The following ADH6 variants were observed in gnomAD, a reference collection of about 807,000 sequenced individuals.
ADH6 encodes the protein alcohol dehydrogenase 6.
ADH6 carries 34 observed loss-of-function variants against 36.5 expected under a neutral mutation model. The observed-to-expected ratio is 0.93, with a 90% CI of 0.71 to 1.24. The LOEUF (loss-of-function observed/expected upper bound fraction) is 1.24, where lower values mean the gene tolerates loss of function less well. Among genes scored for constraint, ADH6 ranks in the 50% most tolerant of loss-of-function variants. The pLI, the probability that ADH6 is intolerant of heterozygous loss-of-function variation, is 0.00. For synonymous variants in ADH6, 161 were observed against 155.5 expected, an observed-to-expected ratio of 1.04 and a Z score of -0.26; for missense variants, 440 against 447.0, an observed-to-expected ratio of 0.98 and a Z score of 0.14.
At chr4:99,213,194 C>T (rs1302559741) in intron 3 of ADH6, among the ~76,000 whole-genome samples, 1 of 152,118 alleles carries the variant, frequency 6.6e-6, no homozygotes, top group Non-Finnish European at 1.5e-5. Flanking sequence ...GAAAGACAAA[C>T]CTCATGCTGC....
Position 99,213,886 on chromosome 4 carries a change from G to T in ADH6, c.121-139C>A, listed in dbSNP as rs192122297. The T allele has an allele frequency of 1.2e-4, 80 of 683,440 alleles. No homozygotes were observed. In the East Asian group the frequency reaches 2.2e-3, roughly 19 times the overall value. 42.3% of individuals were successfully genotyped at this position (683,440 alleles called of 1,614,324 possible). On this transcript the variant is annotated intron_variant, in intron 2 of 8. Coordinates refer to ENST00000394899, the MANE Select transcript of ADH6 (RefSeq NM_001102470.2). ...TCATTTCTTATCAGTTTTAATTCTA[G>T]GGAAGGGTCAATAATAATTTGTTAA... is the stretch of plus-strand genomic sequence containing the variant.
In ADH6 at chr4:99,202,823, CAGAGT is replaced by C. The variant is rs1458799363; in HGVS notation, c.*1391_*1395del. ...GCTGTCAGGAAATAGAAGAGCAGAG[CAGAGT>C]TGGGCATGGAGGCTCCAGCTCAGAC... On this transcript the variant is annotated 3_prime_UTR_variant, in exon 9 of 9. Transcript: ENST00000394899. The C allele has an allele frequency of 1.0e-5, 4 of 397,850 alleles. No homozygotes were observed. Among genetic ancestry groups the C allele is most frequent in the Admixed American group, 4.4e-5 (1 of 22,678 alleles). The allele number at this position is 397,850 out of a possible 1,614,324, so 24.6% of individuals were successfully genotyped here. A position where few individuals can be genotyped will look rare whatever the true frequency, so the allele number is the denominator to read the frequency against.
Position 99,204,910 on chromosome 4 carries a change from A to G in ADH6, c.1103+15T>C, listed in dbSNP as rs751821267. On this transcript the variant is annotated intron_variant, in intron 8 of 8. Coordinates refer to ENST00000394899, the MANE Select transcript of ADH6 (RefSeq NM_001102470.2). ...TCTCAAACACACAGACATAAAATTTATGTGGGCAGTTTACCATTTTCCAGT... is the reference window on the plus strand; with the variant it reads ...TCTCAAACACACAGACATAAAATTTGTGTGGGCAGTTTACCATTTTCCAGT... 8 of 1,598,772 alleles carry G rather than the reference A, an allele frequency of 5.0e-6. No individual in the cohort carries two copies. Among genetic ancestry groups the G allele is most frequent in the East Asian group, 2.2e-5 (1 of 44,510 alleles).
At chr4:99,213,816 G>C in intron 2 of ADH6, 69 bp from the exon 3 acceptor site, 1 of 1,362,670 alleles carries the variant, frequency 7.3e-7, no homozygotes, top group Admixed American at 2.6e-5. Flanking sequence ...GTTGTTGACT[G>C]TAAGGCTTTT....
In ADH6 at chr4:99,207,596, T is replaced by A; in HGVS notation, c.829-15A>T. On this transcript the variant is annotated splice_polypyrimidine_tract_variant and intron_variant, in intron 6 of 8. Coordinates refer to ENST00000394899, the MANE Select transcript of ADH6 (RefSeq NM_001102470.2). ...AGGGCAGCTGCCTGTTAGAAAGTGA[T>A]GCAATACAGTATAGGGGTTAAAAGA... The A allele has an allele frequency of 6.2e-7, 1 of 1,611,492 alleles. No homozygotes were observed. The highest frequency in any genetic ancestry group is 8.5e-7 in the Non-Finnish European group (1 of 1,178,470).
chr4:99,219,093 G>T, intron 1 of ADH6, 42 bp downstream of exon 1: 3 of 1,595,864 alleles, frequency 1.9e-6, no homozygotes, highest in Non-Finnish European at 2.6e-6. Flanking sequence ...CACACAAACT[G>T]ACAAAGATAT....
chr4:99,213,173 T>C (rs972649459), intron 3 of ADH6, among the ~76,000 whole-genome samples: 3 of 152,230 alleles, frequency 2.0e-5, no homozygotes, highest in African/African-American at 7.2e-5. Flanking sequence ...TCTGTTTCTA[T>C]TCTTAAGTTT....
chr4:99,205,184 C>G, intron 7 of ADH6, 121 bp from the exon 8 acceptor site: 1 of 1,090,612 alleles, frequency 9.2e-7, no homozygotes, highest in Non-Finnish European at 1.3e-6. Flanking sequence ...GTCCCGTTTA[C>G]TTGCCTCAAT....
chr4:99,219,244 G>T lies in ADH6; in HGVS notation c.-92C>A. 8.3e-7 allele frequency: 1 copy of T among 1,198,914 alleles called. No homozygotes were observed. 74.3% of individuals were successfully genotyped at this position (1,198,914 alleles called of 1,614,324 possible). On this transcript the variant is annotated 5_prime_UTR_variant, in exon 1 of 9. Transcript: ENST00000394899. ...AAAGTACAAAGGTACACAGGCGACT[G>T]GTAGATCAGAAGGCTGGGTCCTGAG...
intron 7 of ADH6, 124 bp downstream of exon 7, chr4:99,207,322 G>GA (rs28720157): frequency 4.4e-3 from 5,362 of 1,225,932 alleles, no homozygotes; most frequent in Non-Finnish European, 4.8e-3. Flanking sequence ...TTCATATGTT[G>GA]AAAAAAAAAA....
chr4:99,212,999 C>T (rs1731278392), intron 3 of ADH6, among the ~76,000 whole-genome samples: 1 of 118,582 alleles, frequency 8.4e-6, no homozygotes, highest in Non-Finnish European at 1.7e-5. Flanking sequence ...CAAGATAATA[C>T]AGTGTTCTCC....
intron 1 of ADH6, among the ~76,000 whole-genome samples, chr4:99,217,104 C>T (rs1307729568): frequency 2.0e-5 from 3 of 152,212 alleles, no homozygotes; most frequent in South Asian, 2.1e-4. Context: ...AGCACGATCT[C>T]GGCTCACTGC....
intron 5 of ADH6, 52 bp from the exon 6 acceptor site, chr4:99,208,980 C>T: frequency 6.4e-7 from 1 of 1,552,898 alleles, no homozygotes; most frequent in Non-Finnish European, 8.7e-7. Context: ...AGAGAACATA[C>T]ACCTTTACTC....
In ADH6 at chr4:99,202,934, G is replaced by A; in HGVS notation, c.*1285C>T. 1 of 395,622 alleles carries A rather than the reference G, an allele frequency of 2.5e-6. No individual in the cohort carries two copies. The allele number at this position is 395,622 out of a possible 1,614,324, so 24.5% of individuals were successfully genotyped here. On this transcript the variant is annotated 3_prime_UTR_variant, in exon 9 of 9. Coordinates refer to ENST00000394899, the MANE Select transcript of ADH6 (RefSeq NM_001102470.2). The stretch of plus-strand genomic sequence containing the variant: ...CCATCTCCTCTATTTGAAGGAAGCA[G>A]GCCCCTAAAGGGAAACACAGGATGC...
In ADH6 at chr4:99,216,852, A is replaced by C. The variant is rs557156838; in HGVS notation, c.19-590T>G. ...GAGCGAGACTCCATCTCAAAAAAAAAAAATTGTGCCTATTTATGGGGTACA... is the reference window on the plus strand; with the variant it reads ...GAGCGAGACTCCATCTCAAAAAAAACAAATTGTGCCTATTTATGGGGTACA... On this transcript the variant is annotated intron_variant, in intron 1 of 8. Coordinates refer to ENST00000394899, the MANE Select transcript of ADH6 (RefSeq NM_001102470.2). Among the ~76,000 whole-genome samples the C allele has an allele frequency of 9.2e-5, 14 of 152,096 alleles. No individual in the cohort carries two copies. The East Asian group carries it at 2.7e-3, about 29-fold the overall frequency.
chr4:99,208,718 C>T lies in ADH6; in HGVS notation c.778G>A (p.Asp260Asn). Residue 260 changes from aspartate (D) to asparagine (N), a missense_variant, in exon 6 of 9, where the codon GAT becomes AAT. By Grantham distance (23) the Asp-to-Asn change is conservative. Transcript: ENST00000394899. Reference protein sequence around the residue: ...PIQEVLFDMTDAGIDFCFEAI... With the variant: ...PIQEVLFDMTNAGIDFCFEAI... ...TCAAAGCAGAAGTCTATACCAGCAT[C>T]TGTCATATCAAATAAAACTTCTTGA... 6.2e-7 allele frequency: 1 copy of T among 1,613,848 alleles called. No individual in the cohort carries two copies. The highest frequency in any genetic ancestry group is 8.5e-7 in the Non-Finnish European group (1 of 1,179,778).
chr4:99,213,871 TCAG>T (rs1389220871), intron 2 of ADH6, 124 bp from the exon 3 acceptor site: 1 of 809,992 alleles, frequency 1.2e-6, no homozygotes, highest in East Asian at 3.0e-5. Flanking sequence ...TCATTTCTTA[TCAG>T]TTTTAATTCT....
In ADH6 at chr4:99,210,140, A is replaced by ACTTT; in HGVS notation, c.505_508dup (p.Val170GlufsTer6). On this transcript the variant is annotated frameshift_variant, in exon 5 of 9. Transcript: ENST00000394899. LOFTEE classifies it high-confidence loss of function. ...GGAAAAGCCACAGCTAATTAGGCAT[A>ACTTT]CTTTCTCTAGAGGAGCGACTGCATC... is the stretch of plus-strand genomic sequence containing the variant. The ACTTT allele has an allele frequency of 1.9e-6, 3 of 1,613,814 alleles. No homozygotes were observed.
At position 99,203,106 on chromosome 4, in the gene ADH6, A is replaced by AT. The variant is rs1730912436; in HGVS notation, c.*1112dup. The stretch of plus-strand genomic sequence containing the variant: ...TGTTTAGATCAAAAAATGATATTCC[A>AT]TTTTTTGGTCTCCCAAGGTCATCCA... On this transcript the variant is annotated 3_prime_UTR_variant, in exon 9 of 9. Transcript: ENST00000394899. The AT allele has an allele frequency of 4.0e-6, 1 of 252,890 alleles. No individual in the cohort carries two copies. Among genetic ancestry groups the AT allele is most frequent in the Non-Finnish European group, 7.5e-6 (1 of 133,652 alleles). The allele number at this position is 252,890 out of a possible 1,614,324, so 15.7% of individuals were successfully genotyped here.
Sources: gnomAD v4.1 joint callset for allele counts (sites outside exome capture counted in the v4.1 genomes callset) on GRCh38, gnomAD v4.1.1 for gene constraint, MANE v1.5 for transcripts, NCBI Gene and HGNC (gene_info 2026-07-23, HGNC 2026-07-21) for gene names.